PCP4L1: variants seen among roughly 807,000 people sequenced by gnomAD.
PCP4L1 encodes the protein Purkinje cell protein 4 like 1, also known as Purkinje cell protein 4-like protein 1.
PCP4L1 carries 9 observed loss-of-function variants against 9.6 expected under a neutral mutation model. The ratio of observed to expected loss-of-function variants is 0.94; its 90% CI spans 0.57 to 1.64. The LOEUF (loss-of-function observed/expected upper bound fraction) is 1.64. Among genes scored for constraint, PCP4L1 ranks in the 40% most tolerant of loss-of-function variants. PCP4L1 has a pLI of 0.00. For missense variants in PCP4L1, 81 were observed against 80.8 expected (o/e 1.00, Z -0.01); for synonymous variants, 31 against 28.2 (o/e 1.10, Z -0.31).
intron 2 of PCP4L1, among the ~76,000 whole-genome samples, chr1:161,283,962 G>A (rs1669864991): frequency 6.6e-6 from 1 of 152,148 alleles, no homozygotes; most frequent in African/African-American, 2.4e-5. Context: ...GAGTGTTGGG[G>A]GGAGAGAGGT....
chr1:161,281,067 A>C (rs9699853), intron 1 of PCP4L1, among the ~76,000 whole-genome samples: 11 of 152,106 alleles, frequency 7.2e-5, no homozygotes, highest in African/African-American at 2.2e-4. Context: ...TGCCTTCAAG[A>C]ATCTGTTTAA....
chr1:161,281,475 C>T (rs868743824), intron 1 of PCP4L1, among the ~76,000 whole-genome samples: 4 of 150,020 alleles, frequency 2.7e-5, no homozygotes, highest in Non-Finnish European at 5.9e-5. Flanking sequence ...GAGGCGCCCC[C>T]CACCTCCCTC....
At chr1:161,282,684 G>T (rs912242717) in intron 1 of PCP4L1, among the ~76,000 whole-genome samples, 1 of 152,012 alleles carries the variant, frequency 6.6e-6, no homozygotes, top group Non-Finnish European at 1.5e-5. Flanking sequence ...TAAAAAATAA[G>T]CTCCTTATCC....
intron 1 of PCP4L1, among the ~76,000 whole-genome samples, chr1:161,281,993 G>C (rs1669825117): frequency 6.6e-6 from 1 of 152,220 alleles, no homozygotes; most frequent in Admixed American, 6.5e-5. Context: ...GTGGCAGCCA[G>C]GCAGAGGCTG....
At chr1:161,278,185 A>G (rs12409590) in intron 1 of PCP4L1, among the ~76,000 whole-genome samples, 69,565 of 151,814 alleles carry the variant, frequency 0.46, 16,344 homozygotes, top group East Asian at 0.64. Context: ...CAATTCCTCC[A>G]CCGCCCTTTA....
rs1558141459 is a variant in PCP4L1, at chr1:161,263,249, T to TTTTTG, written c.9+4269_9+4270insTGTTT. 7.8e-3 allele frequency among the ~76,000 whole-genome samples: 1,019 copies of TTTTTG among 131,002 alleles called. 5 individuals are homozygous for TTTTTG. The highest frequency in any genetic ancestry group is 0.011 in the Non-Finnish European group (621 of 56,410). The allele number at this position is 131,002 out of a possible 152,430, so 85.9% of individuals were successfully genotyped here. On this transcript the variant is annotated intron_variant, in intron 1 of 2. Coordinates refer to ENST00000504449, the MANE Select transcript of PCP4L1 (RefSeq NM_001102566.2). ...TGTTTTTGTTTTTGTTTTTGTTTTT[T>TTTTTG]TTTGGGTTGGAGTCTTGCACTGTTG...
chr1:161,263,802 T>C (rs1669459514), intron 1 of PCP4L1, among the ~76,000 whole-genome samples: 1 of 150,872 alleles, frequency 6.6e-6, no homozygotes. Flanking sequence ...CATGCTGGTC[T>C]CGAACTCCTG....
chr1:161,258,771 G>T lies in PCP4L1; in HGVS notation c.-204G>T. On this transcript the variant is annotated 5_prime_UTR_variant, in exon 1 of 3. In the 5' UTR this introduces an upstream ATG that the reference lacks. Transcript: ENST00000504449. ...AGCGGCTCTGACAGGACGGGTCGCA[G>T]GGGGTCGCCTGGCCGGAGCTGGGCT... The T allele has an allele frequency of 1.3e-6, 1 of 778,888 alleles. No individual in the cohort carries two copies. Among genetic ancestry groups the T allele is most frequent in the Non-Finnish European group, 2.1e-6 (1 of 485,308 alleles). 48.2% of individuals were successfully genotyped at this position (778,888 alleles called of 1,614,324 possible). A position where few individuals can be genotyped will look rare whatever the true frequency, so the allele number is the denominator to read the frequency against.
At chr1:161,280,788 GCTT>G (rs1357643200) in intron 1 of PCP4L1, among the ~76,000 whole-genome samples, 3 of 151,746 alleles carry the variant, frequency 2.0e-5, no homozygotes, top group Non-Finnish European at 4.4e-5. Flanking sequence ...CTCCTACCTG[GCTT>G]CTTCTCCATC....
At chr1:161,280,252 G>A (rs1401339733) in intron 1 of PCP4L1, among the ~76,000 whole-genome samples, 3 of 151,932 alleles carry the variant, frequency 2.0e-5, no homozygotes, top group African/African-American at 2.4e-5. Flanking sequence ...CTCTGCTTGC[G>A]CCAGGGCCTA....
chr1:161,261,271 A>C (rs1669412405), intron 1 of PCP4L1, among the ~76,000 whole-genome samples: 1 of 152,222 alleles, frequency 6.6e-6, no homozygotes, highest in African/African-American at 2.4e-5. Context: ...GAAGAACAAA[A>C]CCAGGGAGGA....
At chr1:161,268,610 C>T (rs1669573887) in intron 1 of PCP4L1, among the ~76,000 whole-genome samples, 1 of 127,288 alleles carries the variant, frequency 7.9e-6, no homozygotes, top group Non-Finnish European at 1.5e-5. Context: ...AGTGCAATGG[C>T]ACGATCTCAG....
intron 1 of PCP4L1, among the ~76,000 whole-genome samples, chr1:161,282,366 G>A (rs1366943660): frequency 2.0e-5 from 3 of 149,326 alleles, no homozygotes; most frequent in Non-Finnish European, 4.4e-5. Context: ...GGGCATCAGA[G>A]GGAGAGCGTG....
At chr1:161,272,558 CAAAAAA>C (rs551047419) in intron 1 of PCP4L1, among the ~76,000 whole-genome samples, 2 of 71,854 alleles carry the variant, frequency 2.8e-5, no homozygotes, top group African/African-American at 9.8e-5. Context: ...AACTCCGTCT[CAAAAAA>C]AAAAAAAAAA....
chr1:161,265,527 A>G (rs977470081), intron 1 of PCP4L1, among the ~76,000 whole-genome samples: 30 of 150,470 alleles, frequency 2.0e-4, no homozygotes, highest in Non-Finnish European at 3.8e-4. Context: ...TGTCTCAGGG[A>G]AAAAAAAGCA....
At chr1:161,281,755 CGGCCG>C (rs1669812554) in intron 1 of PCP4L1, among the ~76,000 whole-genome samples, 1 of 113,640 alleles carries the variant, frequency 8.8e-6, no homozygotes, top group Non-Finnish European at 1.7e-5. Flanking sequence ...GACGGGGTCA[CGGCCG>C]GGCAGAGGCG....
intron 1 of PCP4L1, among the ~76,000 whole-genome samples, chr1:161,271,802 TTTTTTTC>T (rs1669629129): frequency 6.6e-6 from 1 of 151,498 alleles, no homozygotes. Flanking sequence ...GTGCCTGATC[TTTTTTTC>T]TTTTTTCTTT....
intron 1 of PCP4L1, among the ~76,000 whole-genome samples, chr1:161,261,514 C>T (rs976340274): frequency 1.3e-5 from 2 of 152,220 alleles, no homozygotes; most frequent in Admixed American, 6.5e-5. Context: ...CACACTCTAT[C>T]TCCTGTGGTT....
At chr1:161,275,500 A>G (rs974810426) in intron 1 of PCP4L1, among the ~76,000 whole-genome samples, 10 of 132,426 alleles carry the variant, frequency 7.6e-5, no homozygotes, top group South Asian at 2.6e-4. Flanking sequence ...TGGGCGACAG[A>G]GCAAGACTCC....
Sources: allele counts gnomAD v4.1 joint callset (sites outside exome capture counted in the v4.1 genomes callset), GRCh38; gene constraint gnomAD v4.1.1; transcripts MANE v1.5; gene names NCBI Gene and HGNC (gene_info 2026-07-23, HGNC 2026-07-21).